MOB1B: variants seen among roughly 807,000 people sequenced by gnomAD.
The protein encoded by MOB1B is MOB1 Mps One Binder homolog B.
MOB1B carries 19 observed loss-of-function variants against 24.4 expected under a neutral mutation model. The ratio of observed to expected loss-of-function variants is 0.78; its 90% CI spans 0.54 to 1.14. The LOEUF (loss-of-function observed/expected upper bound fraction) is 1.14. MOB1B is among the 50% of genes most tolerant of loss of function. The probability of loss-of-function intolerance (pLI) is 0.00; values close to 1 mark genes in which losing one functional copy is unlikely to be tolerated. For synonymous variants in MOB1B, 76 were observed against 82.1 expected (o/e 0.93, Z 0.40); for missense variants, 243 against 259.6 (o/e 0.94, Z 0.44).
chr4:70,910,136 G>A (rs1735921062), intron 1 of MOB1B, among the ~76,000 whole-genome samples: 1 of 151,714 alleles, frequency 6.6e-6, no homozygotes, highest in South Asian at 2.1e-4. Context: ...TGCCTCCCAG[G>A]TTCAAGTGAC....
intron 1 of MOB1B, among the ~76,000 whole-genome samples, chr4:70,916,813 C>T (rs997656144): frequency 3.3e-5 from 5 of 152,194 alleles, no homozygotes; most frequent in African/African-American, 1.2e-4. Flanking sequence ...AGGTAATCCA[C>T]CCACCTCGAC....
At chr4:70,902,643 C>T (rs937247169) in intron 1 of MOB1B, 93 bp downstream of exon 1, 3 of 1,221,732 alleles carry the variant, frequency 2.5e-6, no homozygotes, top group Admixed American at 3.6e-5. Context: ...CTCGTCCCGA[C>T]CCTCCTGGCC....
At chr4:70,933,285 A>C (rs934147198) in intron 1 of MOB1B, among the ~76,000 whole-genome samples, 8 of 152,186 alleles carry the variant, frequency 5.3e-5, no homozygotes, top group African/African-American at 1.7e-4. Flanking sequence ...CCCCTCCTCC[A>C]ACACTAAGAC....
At chr4:70,938,493 C>T (rs966278749) in intron 1 of MOB1B, among the ~76,000 whole-genome samples, 1 of 152,012 alleles carries the variant, frequency 6.6e-6, no homozygotes, top group African/African-American at 2.4e-5. Flanking sequence ...GCAACTATAC[C>T]TGTGTCTCTT....
intron 1 of MOB1B, among the ~76,000 whole-genome samples, chr4:70,937,711 G>A (rs1225481494): frequency 1.3e-5 from 2 of 151,868 alleles, no homozygotes; most frequent in Non-Finnish European, 2.9e-5. Context: ...GAAATTTTTA[G>A]TAAGGGGTCT....
At chr4:70,967,922 C>T (rs1738601845) in intron 2 of MOB1B, among the ~76,000 whole-genome samples, 1 of 152,072 alleles carries the variant, frequency 6.6e-6, no homozygotes, top group South Asian at 2.1e-4. Context: ...TTGAACTTTC[C>T]TGGCTCAAGC....
intron 1 of MOB1B, among the ~76,000 whole-genome samples, chr4:70,926,183 GCCATGTTGT>G (rs1268071188): frequency 6.6e-6 from 1 of 151,616 alleles, no homozygotes; most frequent in East Asian, 1.9e-4. Flanking sequence ...ACAGGGTTTT[GCCATGTTGT>G]CCAGGTGGTC....
chr4:70,902,277 G>GCTCGCGGAGAGC, upstream of MOB1B: 1 of 582,572 alleles, frequency 1.7e-6, no homozygotes, highest in Non-Finnish European at 3.1e-6. Context: ...CTGGGGAGGG[G>GCTCGCGGAGAGC]CTCGCGGAGA....
At chr4:70,975,597 T>G (rs538437973) in intron 4 of MOB1B, 1 of 984,986 alleles carries the variant, frequency 1.0e-6, no homozygotes, top group Admixed American at 5.7e-5. Context: ...TTTGATGATA[T>G]TCTAGATTAA....
chr4:70,960,063 T>C lies in MOB1B; in HGVS notation c.181+1023T>C, dbSNP rs866751394. 2.0e-5 allele frequency among the ~76,000 whole-genome samples: 3 copies of C among 152,120 alleles called. 1 individual carries two copies. Among genetic ancestry groups the C allele is most frequent in the South Asian group, 2.1e-4 (1 of 4,822 alleles). Reference sequence around the variant, plus strand: ...CATGTCCGGCTAATTTTTGTATTTTTAGTAGAGATGGGATTTCACCATGTT... The same window carrying C: ...CATGTCCGGCTAATTTTTGTATTTTCAGTAGAGATGGGATTTCACCATGTT... On this transcript the variant is annotated intron_variant, in intron 2 of 5. Transcript: ENST00000309395.
At chr4:70,976,272 C>T in intron 4 of MOB1B, 1 of 983,812 alleles carries the variant, frequency 1.0e-6, no homozygotes, top group South Asian at 4.7e-5. Flanking sequence ...TTGCTAATAA[C>T]ATCTGCCACA....
intron 5 of MOB1B, 25 bp downstream of exon 5, chr4:70,979,316 G>C: frequency 6.3e-7 from 1 of 1,584,520 alleles, no homozygotes; most frequent in Non-Finnish European, 8.6e-7. Flanking sequence ...GAGGCCTTTG[G>C]TGCTCAGGGT....
At chr4:70,976,642 G>A (rs1739008568) in intron 4 of MOB1B, 1 of 962,142 alleles carries the variant, frequency 1.0e-6, no homozygotes, top group Non-Finnish European at 1.2e-6. Flanking sequence ...AAAAAAAAAT[G>A]TGACAACAAT....
chr4:70,976,305 A>G (rs548699512), intron 4 of MOB1B: 1 of 984,982 alleles, frequency 1.0e-6, no homozygotes, highest in East Asian at 1.1e-4. Flanking sequence ...TATTTAGGGA[A>G]GTTCATATGG....
intron 1 of MOB1B, among the ~76,000 whole-genome samples, chr4:70,909,738 T>C (rs1023041004): frequency 2.6e-5 from 4 of 152,092 alleles, no homozygotes; most frequent in Non-Finnish European, 2.9e-5. Flanking sequence ...ACTTCTTTTT[T>C]TTTTTTGAGA....
intron 2 of MOB1B, among the ~76,000 whole-genome samples, chr4:70,969,630 C>G (rs1738674745): frequency 6.6e-6 from 1 of 152,262 alleles, no homozygotes; most frequent in South Asian, 2.1e-4. Context: ...CATTTTTCAG[C>G]TGTGTTGTCT....
At chr4:70,916,251 T>C (rs374084232) in intron 1 of MOB1B, among the ~76,000 whole-genome samples, 1 of 152,320 alleles carries the variant, frequency 6.6e-6, no homozygotes, top group East Asian at 1.9e-4. Flanking sequence ...GTTACCATTA[T>C]TTTGGGTTTC....
chr4:70,947,234 A>G (rs918215706), intron 1 of MOB1B, among the ~76,000 whole-genome samples: 3 of 152,202 alleles, frequency 2.0e-5, no homozygotes, highest in African/African-American at 7.2e-5. Flanking sequence ...GACTCTGAAA[A>G]GGCAGGATCA....
In MOB1B at chr4:70,907,486, T is replaced by C. The variant is rs544287256; in HGVS notation, c.14+4936T>C. Among the ~76,000 whole-genome samples, 5 of 152,310 alleles carry C rather than the reference T, an allele frequency of 3.3e-5. No individual in the cohort carries two copies. The East Asian group carries it at 5.8e-4, about 18-fold the overall frequency. The stretch of plus-strand genomic sequence containing the variant: ...TAATTTCCTAATGTAAGGCTACTTA[T>C]TTGGAACGGAGTTAAAACAAGTACA... On this transcript the variant is annotated intron_variant, in intron 1 of 5. Transcript: ENST00000309395.
Sources: gnomAD v4.1 joint callset for allele counts (sites outside exome capture counted in the v4.1 genomes callset) on GRCh38, gnomAD v4.1.1 for gene constraint, MANE v1.5 for transcripts, NCBI Gene and HGNC (gene_info 2026-07-23, HGNC 2026-07-21) for gene names.